ZFP64: variants seen among roughly 807,000 people sequenced by gnomAD.
ZFP64 encodes the protein zinc finger protein 64.
A neutral mutation model predicts 51.6 loss-of-function variants in ZFP64; 14 were observed. That is an observed-to-expected ratio of 0.27 (90% CI 0.18 to 0.42). The LOEUF is 0.42. Among genes scored for constraint, ZFP64 ranks in the 10% least tolerant of loss-of-function variants. The pLI is 1.00. For missense variants in ZFP64, 754 were observed against 906.8 expected (o/e 0.83, Z 2.16); for synonymous variants, 375 against 361.4 (o/e 1.04, Z -0.43).
chr20:52,105,328 G>A, intron 5 of ZFP64: 2 of 1,252,720 alleles, frequency 1.6e-6, no homozygotes, highest in Non-Finnish European at 2.0e-6. Flanking sequence ...CCCTTCGGCC[G>A]GAACGCGCAT....
At chr20:52,178,662 C>A (rs2123101266) in intron 2 of ZFP64, among the ~76,000 whole-genome samples, 1 of 152,246 alleles carries the variant, frequency 6.6e-6, no homozygotes. Flanking sequence ...GTTTTCAAAT[C>A]TTGCCCTGAG....
At chr20:52,138,937 C>T (rs1321229017) in intron 5 of ZFP64, among the ~76,000 whole-genome samples, 2 of 152,058 alleles carry the variant, frequency 1.3e-5, no homozygotes, top group Non-Finnish European at 2.9e-5. Context: ...TGAAAAAATG[C>T]TCAACATCCT....
intron 7 of ZFP64, among the ~76,000 whole-genome samples, chr20:52,091,638 G>A (rs1432488973): frequency 6.6e-6 from 1 of 152,000 alleles, no homozygotes; most frequent in Non-Finnish European, 1.5e-5. Flanking sequence ...TTTTAGGACA[G>A]TTTTTGTCAA....
intron 5 of ZFP64, among the ~76,000 whole-genome samples, chr20:52,117,060 G>A (rs1440185842): frequency 6.6e-6 from 1 of 150,898 alleles, no homozygotes; most frequent in Non-Finnish European, 1.5e-5. Context: ...GACAGAGCAA[G>A]ACTCTGTCTC....
intron 5 of ZFP64, among the ~76,000 whole-genome samples, chr20:52,115,128 C>T (rs944410669): frequency 6.9e-6 from 1 of 144,904 alleles, no homozygotes; most frequent in African/African-American, 2.5e-5. Context: ...GGCATGAACC[C>T]GGGAGGCAGA....
exon 9 of ZFP64, chr20:52,084,320 C>G: frequency 1.9e-6 from 1 of 526,296 alleles, no homozygotes; most frequent in Non-Finnish European, 3.4e-6. Flanking sequence ...ATGAACAAGT[C>G]GACTTGCTCA....
At chr20:52,096,870 C>T (rs1402108082) in intron 7 of ZFP64, 2 of 327,278 alleles carry the variant, frequency 6.1e-6, no homozygotes, top group African/African-American at 4.3e-5. Context: ...GCCTGGGTGA[C>T]AGAGCAGGAC....
intron 5 of ZFP64, among the ~76,000 whole-genome samples, chr20:52,134,354 G>T (rs1010359675): frequency 6.6e-6 from 1 of 152,172 alleles, no homozygotes; most frequent in African/African-American, 2.4e-5. Context: ...TCCACAGTAA[G>T]CCACTGAAAA....
intron 5 of ZFP64, among the ~76,000 whole-genome samples, chr20:52,102,250 A>G (rs964901796): frequency 2.2e-4 from 33 of 152,166 alleles, no homozygotes; most frequent in Non-Finnish European, 4.1e-4. Flanking sequence ...AGTGGTTCTC[A>G]GACGTCAGCG....
chr20:52,091,171 T>C (rs2078922574), intron 7 of ZFP64, among the ~76,000 whole-genome samples: 1 of 152,060 alleles, frequency 6.6e-6, no homozygotes, highest in Non-Finnish European at 1.5e-5. Context: ...GTAAATATTA[T>C]AAACAAAAAC....
chr20:52,129,164 C>T (rs981852685), intron 5 of ZFP64, among the ~76,000 whole-genome samples: 1 of 151,790 alleles, frequency 6.6e-6, no homozygotes, highest in South Asian at 2.1e-4. Context: ...TCACTGCAAG[C>T]TCCGCCTCCC....
intron 5 of ZFP64, among the ~76,000 whole-genome samples, chr20:52,137,633 AAATGGAGATGGTC>A (rs1336507947): frequency 6.6e-6 from 1 of 152,210 alleles, no homozygotes; most frequent in African/African-American, 2.4e-5. Flanking sequence ...GGTTAAATCT[AAATGGAGATGGTC>A]AATTGGGAAT....
At chr20:52,174,151 T>G (rs1394781400) in intron 2 of ZFP64, among the ~76,000 whole-genome samples, 1 of 152,214 alleles carries the variant, frequency 6.6e-6, no homozygotes, top group Non-Finnish European at 1.5e-5. Context: ...ATTTGTTTAA[T>G]TAATGATCAG....
intron 2 of ZFP64, among the ~76,000 whole-genome samples, chr20:52,174,294 T>A (rs1218295506): frequency 6.6e-6 from 1 of 152,140 alleles, no homozygotes; most frequent in Non-Finnish European, 1.5e-5. Flanking sequence ...GAGACCAGCC[T>A]GGCCAACATG....
At chr20:52,139,482 A>C (rs1161175056) in intron 5 of ZFP64, among the ~76,000 whole-genome samples, 1 of 152,136 alleles carries the variant, frequency 6.6e-6, no homozygotes, top group African/African-American at 2.4e-5. Flanking sequence ...TGGGAACAAC[A>C]GACACTGGGT....
At chr20:52,133,004 A>T (rs1217482407) in intron 5 of ZFP64, among the ~76,000 whole-genome samples, 2 of 152,234 alleles carry the variant, frequency 1.3e-5, no homozygotes, top group African/African-American at 4.8e-5. Flanking sequence ...TAGAAAGATC[A>T]TCATGACCAA....
intron 5 of ZFP64, among the ~76,000 whole-genome samples, chr20:52,135,477 A>C (rs1223303460): frequency 6.6e-6 from 1 of 152,136 alleles, no homozygotes; most frequent in African/African-American, 2.4e-5. Flanking sequence ...GGAAATACAC[A>C]AAGATGCTTT....
At chr20:52,094,804 T>G (rs1045394542) in intron 7 of ZFP64, among the ~76,000 whole-genome samples, 1 of 152,160 alleles carries the variant, frequency 6.6e-6, no homozygotes, top group African/African-American at 2.4e-5. Context: ...ACAACCACTA[T>G]TCCCAGTTAA....
chr20:52,136,138 GAACAAC>G (rs991389452), intron 5 of ZFP64, among the ~76,000 whole-genome samples: 26 of 81,994 alleles, frequency 3.2e-4, no homozygotes, highest in African/African-American at 1.0e-3. Context: ...CCAAAAAAAA[GAACAAC>G]AACAACAACA....
Sources: allele counts gnomAD v4.1 joint callset (sites outside exome capture counted in the v4.1 genomes callset), GRCh38; gene constraint gnomAD v4.1.1; transcripts MANE v1.5; gene names NCBI Gene and HGNC (gene_info 2026-07-23, HGNC 2026-07-21).